The following LILRB3 variants were observed in gnomAD, a reference collection of about 807,000 sequenced individuals.
LILRB3 encodes leukocyte immunoglobulin like receptor B3, also known as leukocyte immunoglobulin-like receptor subfamily B member 3.
A neutral mutation model predicts 68.2 loss-of-function variants in LILRB3; 32 were observed. That is an observed-to-expected ratio of 0.47 (90% confidence interval 0.35 to 0.63). The LOEUF (loss-of-function observed/expected upper bound fraction) is 0.63. Ranked by LOEUF, LILRB3 falls within the 30% of genes least tolerant of loss-of-function variation. The pLI, the probability that LILRB3 is intolerant of heterozygous loss-of-function variation, is 0.00. For synonymous variants in LILRB3, 185 were observed against 323.1 expected, an observed-to-expected ratio of 0.57 and a Z score of 4.58; for missense variants, 502 against 791.3, an observed-to-expected ratio of 0.63 and a Z score of 4.39.
In LILRB3 at chr19:54,219,591, C is replaced by T. The variant is rs186913794; in HGVS notation, c.1310-346G>A. 1.7e-4 allele frequency: 256 copies of T among 1,545,468 alleles called. No individual in the cohort carries two copies. In the African/African-American group the frequency reaches 2.5e-3, roughly 15 times the overall value. On this transcript the variant is annotated intron_variant, in intron 7 of 12. Transcript: ENST00000445347. The stretch of plus-strand genomic sequence containing the variant: ...GCTCCCCTCCCCTGCCCCAGGTCAC[C>T]GTCACTGCTGCAGGTGGGACGGGAC...
At chr19:54,222,359 G>T in exon 3 of LILRB3, 1 of 1,599,980 alleles carries the variant, frequency 6.3e-7, no homozygotes, top group Non-Finnish European at 8.5e-7. Flanking sequence ...CTCCCTGCAT[G>T]GTGCTGTGTC....
chr19:54,216,958 C>T (rs1003015521), exon 13 of LILRB3: 1 of 1,510,248 alleles, frequency 6.6e-7, no homozygotes. Context: ...CCCACAAGTT[C>T]CCAGCGTCTC....
In LILRB3 at chr19:54,219,100, AC is replaced by A. The variant is rs769321760; in HGVS notation, c.1426+28del. On this transcript the variant is annotated intron_variant, in intron 8 of 12. Coordinates refer to ENST00000445347, the Ensembl canonical transcript of LILRB3. ...GGTGCCCTGAGCCCACCCTCGGTCG[AC>A]CCATGGGTCCCCCGCTTCCCTACTC... The A allele has an allele frequency of 2.7e-5, 42 of 1,567,038 alleles. No individual in the cohort carries two copies. In the South Asian group the frequency reaches 3.8e-4, roughly 14 times the overall value.
chr19:54,218,779 T>A (rs1394587844), exon 9 of LILRB3: 6 of 1,614,042 alleles, frequency 3.7e-6, no homozygotes, highest in Non-Finnish European at 5.1e-6. Flanking sequence ...AGCAGGCCCC[T>A]GTCCTTGGGC....
intron 7 of LILRB3, chr19:54,219,733 A>G: frequency 6.8e-7 from 1 of 1,477,124 alleles, no homozygotes; most frequent in Non-Finnish European, 9.0e-7. Context: ...TCTCCTTTAC[A>G]CTTGGAGAAA....
rs2078025109 is a variant in LILRB3, at chr19:54,220,422, G to C, written c.1258+106C>G. The C allele has an allele frequency of 1.3e-5, 15 of 1,175,092 alleles. 1 individual carries two copies. Among genetic ancestry groups the C allele is most frequent in the Non-Finnish European group, 1.7e-5 (15 of 866,796 alleles). The allele number at this position is 1,175,092 out of a possible 1,614,324, so 72.8% of individuals were successfully genotyped here. Reference sequence around the variant, plus strand: ...TGAGGGCTGGGTGCCCTCTGGCTAAGCCTCCCTCACAGCCTCCCTCGGTCC... The same window carrying C: ...TGAGGGCTGGGTGCCCTCTGGCTAACCCTCCCTCACAGCCTCCCTCGGTCC... On this transcript the variant is annotated intron_variant, in intron 6 of 12. Transcript: ENST00000445347.
intron 7 of LILRB3, 173 bp downstream of exon 7, chr19:54,219,982 C>T (rs1452513506): frequency 8.0e-7 from 1 of 1,257,564 alleles, no homozygotes; most frequent in East Asian, 2.8e-5. Flanking sequence ...CCCGGCTCCT[C>T]CTCCTGGCTG....
chr19:54,221,229 TG>T lies in LILRB3; in HGVS notation c.808del (p.Gln270SerfsTer17). The T allele has an allele frequency of 7.0e-7, 1 of 1,435,106 alleles. No homozygotes were observed. 88.9% of individuals were successfully genotyped at this position (1,435,106 alleles called of 1,614,324 possible). ...CTGGGAGAGCCCAGCCTGGGGCTGC[TG>T]GCCAGGGCGCTGGAGGAAGTCACGT... On this transcript the variant is annotated frameshift_variant, in exon 5 of 13. Transcript: ENST00000445347. LOFTEE classifies it high-confidence loss of function.
chr19:54,216,609 C>G (rs2077498866), exon 13 of LILRB3: 1 of 1,010,392 alleles, frequency 9.9e-7, no homozygotes. Flanking sequence ...CGCGCCCGGC[C>G]TATTTATGCT....
exon 11 of LILRB3, chr19:54,218,369 C>G (rs1196919891): frequency 1.2e-6 from 2 of 1,614,140 alleles, no homozygotes; most frequent in African/African-American, 2.7e-5. Context: ...ACCTGACTGT[C>G]CAGCTCCACC....
At chr19:54,219,713 C>T (rs1485715711) in intron 7 of LILRB3, 3 of 981,520 alleles carry the variant, frequency 3.1e-6, no homozygotes, top group African/African-American at 1.7e-5. Flanking sequence ...CTTTCCCACC[C>T]ACAGGCCTCT....
chr19:54,221,030 G>C (rs377619536), intron 5 of LILRB3, 53 bp downstream of exon 5: 1 of 1,142,776 alleles, frequency 8.8e-7, no homozygotes, highest in Non-Finnish European at 1.1e-6. Context: ...GGGCTCCCCC[G>C]GCAGGGCCTG....
intron 4 of LILRB3, 165 bp from the exon 5 acceptor site, chr19:54,221,544 G>A (rs1173968467): frequency 6.9e-7 from 1 of 1,453,864 alleles, no homozygotes; most frequent in African/African-American, 1.5e-5. Context: ...GAGGAGTGGG[G>A]TCTCCCTAGC....
At chr19:54,216,988 G>C in exon 13 of LILRB3, 2 of 1,591,216 alleles carry the variant, frequency 1.3e-6, no homozygotes, top group Non-Finnish European at 1.7e-6. Flanking sequence ...TGTGTTAGGG[G>C]TCCAGGCTGA....
rs199861387 is a variant in LILRB3, at chr19:54,221,107, C to T, written c.931G>A (p.Asp311Asn). The change falls in exon 5 of 13, where the codon GAC becomes AAC. Residue 311 changes from aspartate to asparagine, a missense_variant. Coordinates refer to ENST00000445347, the Ensembl canonical transcript of LILRB3. ...CCTGTGATCAGGATGTCCAGGGGGT[C>T]ACTGGGGGCCGACCACTCGGAGGAG... The T allele has an allele frequency of 8.4e-6, 11 of 1,317,228 alleles. 1 individual carries two copies. The highest frequency in any genetic ancestry group is 7.3e-5 in the African/African-American group (4 of 54,654). The allele number at this position is 1,317,228 out of a possible 1,614,324, so 81.6% of individuals were successfully genotyped here. A position where few individuals can be genotyped will look rare whatever the true frequency, so the allele number is the denominator to read the frequency against.
At chr19:54,222,409 A>C (rs2078283463) in exon 3 of LILRB3, 1 of 1,608,474 alleles carries the variant, frequency 6.2e-7, no homozygotes, top group Admixed American at 1.7e-5. Context: ...CTTGGGTTCC[A>C]GTGGGTTATT....
intron 11 of LILRB3, 29 bp from the exon 12 acceptor site, chr19:54,217,503 G>T: frequency 6.3e-7 from 1 of 1,590,724 alleles, no homozygotes; most frequent in South Asian, 1.1e-5. Flanking sequence ...GGTGGGGGGT[G>T]TCCTTGAGTC....
intron 8 of LILRB3, 52 bp from the exon 9 acceptor site, chr19:54,218,890 C>T: frequency 6.2e-7 from 1 of 1,611,378 alleles, no homozygotes; most frequent in Non-Finnish European, 8.5e-7. Context: ...AACTCCCATT[C>T]TACACATGCA....
intron 6 of LILRB3, 122 bp downstream of exon 6, chr19:54,220,406 G>C: frequency 1.8e-6 from 2 of 1,116,556 alleles, no homozygotes; most frequent in Non-Finnish European, 2.4e-6. Context: ...CTGAGGGCTG[G>C]GTGCCCTCTG....
Sources: allele counts gnomAD v4.1 joint callset, GRCh38; gene constraint gnomAD v4.1.1; transcripts MANE v1.5; gene names NCBI Gene and HGNC (gene_info 2026-07-23, HGNC 2026-07-21).